The following TIAM2 variants were observed in gnomAD, a reference collection of about 807,000 sequenced individuals.
The protein encoded by TIAM2 is rho guanine nucleotide exchange factor TIAM2.
A neutral mutation model predicts 152.9 loss-of-function variants in TIAM2; 80 were observed. That is an observed-to-expected ratio of 0.52 (90% CI 0.44 to 0.63). The LOEUF (loss-of-function observed/expected upper bound fraction) is 0.63, where lower values mean the gene tolerates loss of function less well. Ranked by LOEUF, TIAM2 falls within the 30% of genes least tolerant of loss-of-function variation. TIAM2 has a pLI of 0.00. For missense variants in TIAM2, 1,965 were observed against 2,120.1 expected (o/e 0.93, Z 1.44); for synonymous variants, 804 against 838.0 (o/e 0.96, Z 0.70).
At chr6:155,097,293 G>A (rs1778435950) in intron 2 of TIAM2, among the ~76,000 whole-genome samples, 1 of 152,094 alleles carries the variant, frequency 6.6e-6, no homozygotes, top group Non-Finnish European at 1.5e-5. Flanking sequence ...CTCCCATTTT[G>A]TGGGTTGTCT....
chr6:155,238,380 CTCCAAACTGT>C (rs1235046633), intron 15 of TIAM2, among the ~76,000 whole-genome samples: 1 of 152,236 alleles, frequency 6.6e-6, no homozygotes, highest in African/African-American at 2.4e-5. Context: ...CTTCTGAGCC[CTCCAAACTGT>C]TCCAACCTCT....
chr6:155,015,944 C>CAAAAAAAA (rs3081689), intron 1 of TIAM2, among the ~76,000 whole-genome samples: 21 of 61,836 alleles, frequency 3.4e-4, no homozygotes, highest in East Asian at 1.1e-3. Flanking sequence ...TTCAAAAAAC[C>CAAAAAAAA]AAAAAAAAAA....
At chr6:155,037,254 T>C (rs1200588631) in intron 1 of TIAM2, among the ~76,000 whole-genome samples, 1 of 152,106 alleles carries the variant, frequency 6.6e-6, no homozygotes, top group Non-Finnish European at 1.5e-5. Context: ...TCGAATAGAG[T>C]TGTGAGGCTT....
chr6:155,048,514 A>C (rs1419816478), intron 1 of TIAM2, among the ~76,000 whole-genome samples: 1 of 152,106 alleles, frequency 6.6e-6, no homozygotes, highest in Admixed American at 6.6e-5. Flanking sequence ...TGCAAGGACA[A>C]GTGTGGCCGT....
chr6:155,256,980 T>A lies in TIAM2; in HGVS notation c.4965T>A (p.Arg1655=). The A allele has an allele frequency of 6.2e-7, 1 of 1,614,158 alleles. No individual in the cohort carries two copies. The highest frequency in any genetic ancestry group is 8.5e-7 in the Non-Finnish European group (1 of 1,180,016). ...GAACTTTGCTCAAGGCGCAGATCCG[T>A]CACCAGTCCCTTGACAGTCAGTCTG... ...DRGTLLKAQI[R]HQSLDSQSEN... Residue 1655 remains arginine (R), a synonymous_variant, in exon 27 of 27, where the codon CGT becomes CGA. Transcript: ENST00000682666.
At chr6:155,146,597 T>C (rs1262786055) in intron 6 of TIAM2, among the ~76,000 whole-genome samples, 1 of 149,702 alleles carries the variant, frequency 6.7e-6, no homozygotes, top group East Asian at 1.9e-4. Context: ...AATGTATCAT[T>C]ATTATTATTA....
chr6:155,155,435 G>A (rs2115080420), intron 7 of TIAM2, among the ~76,000 whole-genome samples: 1 of 152,080 alleles, frequency 6.6e-6, no homozygotes, highest in East Asian at 1.9e-4. Flanking sequence ...CAAAGTGCTG[G>A]GATTACAGGT....
At chr6:155,175,352 A>C (rs1290312143) in intron 9 of TIAM2, among the ~76,000 whole-genome samples, 1 of 152,250 alleles carries the variant, frequency 6.6e-6, no homozygotes, top group Non-Finnish European at 1.5e-5. Context: ...CCTGCATAGG[A>C]GGATCTTTTA....
intron 1 of TIAM2, among the ~76,000 whole-genome samples, chr6:155,079,127 T>C (rs1261751710): frequency 6.6e-6 from 1 of 152,144 alleles, no homozygotes; most frequent in African/African-American, 2.4e-5. Context: ...AGTGGTGCGA[T>C]CTCGGCTCAC....
chr6:155,032,860 A>T (rs1776851549), intron 1 of TIAM2, among the ~76,000 whole-genome samples: 1 of 152,084 alleles, frequency 6.6e-6, no homozygotes, highest in African/African-American at 2.4e-5. Flanking sequence ...CTTCTTTTGA[A>T]CATTTGTGTT....
intron 14 of TIAM2, among the ~76,000 whole-genome samples, chr6:155,193,784 C>A (rs116260604): frequency 2.0e-5 from 3 of 152,102 alleles, no homozygotes; most frequent in African/African-American, 7.2e-5. Context: ...GTGAAACTGG[C>A]GCATTTTTAA....
At chr6:155,003,835 G>A (rs1778355614) in intron 1 of TIAM2, among the ~76,000 whole-genome samples, 1 of 152,166 alleles carries the variant, frequency 6.6e-6, no homozygotes, top group South Asian at 2.1e-4. Flanking sequence ...ACAAAAATTA[G>A]CTGGGTGTAG....
intron 2 of TIAM2, among the ~76,000 whole-genome samples, chr6:155,111,298 TACACACACACAC>T (rs57988099): frequency 0.2 from 28,278 of 138,306 alleles, 2,960 homozygotes; most frequent in East Asian, 0.46. Flanking sequence ...ATTCTTGGAA[TACACACACACAC>T]ACACACACAC....
At position 155,029,417 on chromosome 6, in the gene TIAM2, C is replaced by CTATGTTA. The variant is rs1776748237; in HGVS notation, c.-209+33928_-209+33929insGTTATAT. On this transcript the variant is annotated intron_variant, in intron 1 of 26. Coordinates refer to ENST00000682666, the MANE Select transcript of TIAM2 (RefSeq NM_012454.4). ...TATACTATAGTATATATAATATATACTATATATACTATAGTATATATTATA... is the reference window on the plus strand; with the variant it reads ...TATACTATAGTATATATAATATATACTATGTTATATATATACTATAGTATATATTATA... Among the ~76,000 whole-genome samples, 4 of 72,476 alleles carry CTATGTTA rather than the reference C, an allele frequency of 5.5e-5. 1 individual carries two copies. Among genetic ancestry groups the CTATGTTA allele is most frequent in the Non-Finnish European group, 9.9e-5 (4 of 40,526 alleles). The allele number at this position is 72,476 out of a possible 152,430, so 47.5% of individuals were successfully genotyped here.
At position 155,059,282 on chromosome 6, in the gene TIAM2, C is replaced by CTGTGTGTGTGTGTG. The variant is rs200226916; in HGVS notation, c.-208-30996_-208-30995insGTGTGTGTGTGTGT. Among the ~76,000 whole-genome samples the CTGTGTGTGTGTGTG allele has an allele frequency of 4.7e-4, 68 of 144,204 alleles. 1 individual carries two copies. Among genetic ancestry groups the CTGTGTGTGTGTGTG allele is most frequent in the Admixed American group, 6.3e-4 (9 of 14,350 alleles). The allele number at this position is 144,204 out of a possible 152,430, so 94.6% of individuals were successfully genotyped here. A position where few individuals can be genotyped will look rare whatever the true frequency, so the allele number is the denominator to read the frequency against. On this transcript the variant is annotated intron_variant, in intron 1 of 26. Coordinates refer to ENST00000682666, the MANE Select transcript of TIAM2 (RefSeq NM_012454.4). Reference sequence around the variant, plus strand: ...CGGGAATTTAGTGGAATGTCCCTTTCTGTGTGTGTGTCTGTGTGTGTGTGT... The same window carrying CTGTGTGTGTGTGTG: ...CGGGAATTTAGTGGAATGTCCCTTTCTGTGTGTGTGTGTGTGTGTGTGTGTCTGTGTGTGTGTGT...
chr6:155,206,071 G>A (rs1781587406), intron 14 of TIAM2, among the ~76,000 whole-genome samples: 2 of 152,294 alleles, frequency 1.3e-5, no homozygotes, highest in East Asian at 3.9e-4. Context: ...TGACAGTGGT[G>A]CTAATGGGCC....
chr6:155,025,177 G>A lies in TIAM2; in HGVS notation c.-209+29685G>A, dbSNP rs572501616. Reference sequence around the variant, plus strand: ...GAGTAGCTGGGATTATAGGCACCACGTCTGGCTAATTTTTGTATTTTTTTT... The same window carrying A: ...GAGTAGCTGGGATTATAGGCACCACATCTGGCTAATTTTTGTATTTTTTTT... On this transcript the variant is annotated intron_variant, in intron 1 of 26. Coordinates refer to ENST00000682666, the MANE Select transcript of TIAM2 (RefSeq NM_012454.4). Among the ~76,000 whole-genome samples, 19 of 148,058 alleles carry A rather than the reference G, an allele frequency of 1.3e-4. No homozygotes were observed. In the East Asian group the frequency reaches 3.6e-3, roughly 28 times the overall value.
At chr6:155,165,842 CTT>C (rs10588095) in intron 9 of TIAM2, among the ~76,000 whole-genome samples, 2 of 148,842 alleles carry the variant, frequency 1.3e-5, no homozygotes, top group African/African-American at 4.9e-5. Context: ...TTAGCATGCA[CTT>C]TTTTTTTTAA....
intron 2 of TIAM2, among the ~76,000 whole-genome samples, chr6:155,113,931 G>A (rs1260169429): frequency 6.9e-6 from 1 of 144,904 alleles, no homozygotes; most frequent in African/African-American, 2.5e-5. Context: ...GCCTGATGAT[G>A]TAGCAGAAGC....
Sources: gnomAD v4.1 joint callset for allele counts (sites outside exome capture counted in the v4.1 genomes callset) on GRCh38, gnomAD v4.1.1 for gene constraint, MANE v1.5 for transcripts, NCBI Gene and HGNC (gene_info 2026-07-23, HGNC 2026-07-21) for gene names.